PRIM2: variants seen among roughly 807,000 people sequenced by gnomAD.
PRIM2 encodes the protein DNA primase subunit 2, also known as DNA primase large subunit.
In PRIM2, 39 loss-of-function variants were observed where a neutral mutation model predicts 67.3. That is an observed-to-expected ratio of 0.58 (90% confidence interval 0.45 to 0.76). The LOEUF (loss-of-function observed/expected upper bound fraction) is 0.76. PRIM2 is among the 30% of genes least tolerant of loss of function. The pLI is 0.00. For missense variants in PRIM2, 398 were observed against 598.7 expected (o/e 0.66, Z 3.50); for synonymous variants, 143 against 198.7 (o/e 0.72, Z 2.36).
At chr6:57,404,673 A>G (rs1213209871) in intron 7 of PRIM2, among the ~76,000 whole-genome samples, 5 of 152,232 alleles carry the variant, frequency 3.3e-5, no homozygotes, top group Admixed American at 6.5e-5. Context: ...TTCACTGGAC[A>G]GTTTTTCTCT....
At chr6:57,614,896 C>T (rs1278282794) in intron 12 of PRIM2, among the ~76,000 whole-genome samples, 1 of 151,456 alleles carries the variant, frequency 6.6e-6, no homozygotes, top group Non-Finnish European at 1.5e-5. Context: ...ATTTTAATCT[C>T]AATACTTTCA....
intron 10 of PRIM2, among the ~76,000 whole-genome samples, chr6:57,543,760 T>C (rs1695433818): frequency 6.6e-6 from 1 of 152,112 alleles, no homozygotes; most frequent in East Asian, 1.9e-4. Context: ...TTTTTTTTTT[T>C]AACACTTTGC....
the PRIM2 span, chr6:57,222,243 CG>C: frequency 2.0e-5 from 3 of 152,618 alleles, no homozygotes; most frequent in Non-Finnish European, 4.4e-5. Flanking sequence ...GCAGCTCCGC[CG>C]GGGGTGGTGG....
At chr6:57,542,200 T>C (rs1775175054) in intron 10 of PRIM2, among the ~76,000 whole-genome samples, 1 of 152,186 alleles carries the variant, frequency 6.6e-6, no homozygotes, top group Non-Finnish European at 1.5e-5. Context: ...AGTCTCGAAC[T>C]CCTGACCTCA....
chr6:57,413,782 A>T, intron 7 of PRIM2, among the ~76,000 whole-genome samples: 1 of 152,290 alleles, frequency 6.6e-6, no homozygotes, highest in South Asian at 2.1e-4. Flanking sequence ...CAATATATTA[A>T]TACTGTTGTA....
At chr6:57,433,343 C>T (rs1771895397) in intron 7 of PRIM2, among the ~76,000 whole-genome samples, 2 of 151,728 alleles carry the variant, frequency 1.3e-5, no homozygotes, top group African/African-American at 2.4e-5. Context: ...CACCCATTAA[C>T]GCGTCATTTA....
chr6:57,418,391 T>TTC (rs1771348606), intron 7 of PRIM2, among the ~76,000 whole-genome samples: 1 of 94,556 alleles, frequency 1.1e-5, no homozygotes, highest in Non-Finnish European at 2.0e-5. Context: ...TGGTTTTTTT[T>TTC]TTTTTTTTTT....
chr6:57,408,075 A>T (rs1264348428), intron 7 of PRIM2, among the ~76,000 whole-genome samples: 5 of 152,244 alleles, frequency 3.3e-5, no homozygotes, highest in Admixed American at 2.6e-4. Context: ...AGGCACAAAT[A>T]TTCCTTTTTT....
chr6:57,417,186 C>T lies in PRIM2; in HGVS notation c.693+35018C>T, dbSNP rs546713752. ...TTCACCATGTTGGTCAGGCTAGCCT[C>T]GAACTCCTGACCTCAGGTGATCCAC... On this transcript the variant is annotated intron_variant, in intron 7 of 13. Transcript: ENST00000615550. Among the ~76,000 whole-genome samples the T allele has an allele frequency of 4.6e-5, 7 of 152,186 alleles. No homozygotes were observed. In the South Asian group the frequency reaches 1.0e-3, roughly 23 times the overall value.
chr6:57,323,945 C>T (rs1767748820), intron 3 of PRIM2, among the ~76,000 whole-genome samples: 1 of 151,844 alleles, frequency 6.6e-6, no homozygotes, highest in Non-Finnish European at 1.5e-5. Context: ...ATTAGCGGGG[C>T]ATGGTGGGTG....
chr6:57,402,748 G>A (rs1770755331), intron 7 of PRIM2, among the ~76,000 whole-genome samples: 1 of 152,146 alleles, frequency 6.6e-6, no homozygotes, highest in Non-Finnish European at 1.5e-5. Flanking sequence ...TGTGTGTGCT[G>A]GTGGTTTCTA....
At chr6:57,310,153 CAAAAG>C (rs1767353151), upstream of PRIM2, among the ~76,000 whole-genome samples, 1 of 152,148 alleles carries the variant, frequency 6.6e-6, no homozygotes, top group Admixed American at 6.5e-5. Flanking sequence ...AGACACTTCT[CAAAAG>C]AAGACATTTA....
At chr6:57,338,085 T>C (rs9475855) in intron 5 of PRIM2, among the ~76,000 whole-genome samples, 17,307 of 148,480 alleles carry the variant, frequency 0.12, 1,124 homozygotes, top group African/African-American at 0.16. Context: ...AACACCTCTA[T>C]GCAAATAAAC....
At chr6:57,353,180 G>T (rs192732166) in intron 5 of PRIM2, among the ~76,000 whole-genome samples, 1 of 146,568 alleles carries the variant, frequency 6.8e-6, no homozygotes, top group Non-Finnish European at 1.5e-5. Context: ...GGATTTTTCC[G>T]GTCAGTGAAC....
At chr6:57,267,257 T>A in the PRIM2 span, among the ~76,000 whole-genome samples, 1 of 152,170 alleles carries the variant, frequency 6.6e-6, no homozygotes, top group African/African-American at 2.4e-5. Flanking sequence ...CATTTTGCCA[T>A]TTTTTTGGTA....
intron 5 of PRIM2, among the ~76,000 whole-genome samples, chr6:57,356,658 G>A (rs5001429): frequency 6.6e-6 from 1 of 152,146 alleles, no homozygotes; most frequent in Non-Finnish European, 1.5e-5. Context: ...TAAACTGACA[G>A]CTATTGGAAG....
the PRIM2 span, among the ~76,000 whole-genome samples, chr6:57,303,898 G>T: frequency 6.6e-6 from 1 of 152,194 alleles, no homozygotes; most frequent in African/African-American, 2.4e-5. Context: ...GCCTCCCAAA[G>T]TGCTGGGATT....
chr6:57,449,557 T>C (rs1360872241), intron 7 of PRIM2, among the ~76,000 whole-genome samples: 2 of 152,176 alleles, frequency 1.3e-5, no homozygotes, highest in Non-Finnish European at 2.9e-5. Context: ...AATGAATAGG[T>C]ATTTTTATTC....
At chr6:57,439,567 C>T (rs1772134375) in intron 7 of PRIM2, among the ~76,000 whole-genome samples, 1 of 151,690 alleles carries the variant, frequency 6.6e-6, no homozygotes, top group South Asian at 2.1e-4. Flanking sequence ...AGGCACCCGC[C>T]ACCACGCCCA....
Sources: gnomAD v4.1 joint callset for allele counts (sites outside exome capture counted in the v4.1 genomes callset) on GRCh38, gnomAD v4.1.1 for gene constraint, MANE v1.5 for transcripts, NCBI Gene and HGNC (gene_info 2026-07-23, HGNC 2026-07-21) for gene names.